C19orf47: variants seen among roughly 807,000 people sequenced by gnomAD.
C19orf47 encodes chromosome 19 open reading frame 47.
C19orf47 carries 18 observed loss-of-function variants against 32.3 expected under a neutral mutation model. The ratio of observed to expected loss-of-function variants is 0.56; its 90% CI spans 0.39 to 0.83. The LOEUF (loss-of-function observed/expected upper bound fraction) is 0.83, where lower values mean the gene tolerates loss of function less well. Among genes scored for constraint, C19orf47 ranks in the 40% least tolerant of loss-of-function variants. The probability of loss-of-function intolerance (pLI) is 0.00; values close to 1 mark genes in which losing one functional copy is unlikely to be tolerated. For missense variants in C19orf47, 484 were observed against 531.6 expected (o/e 0.91, Z 0.88); for synonymous variants, 202 against 211.1 (o/e 0.96, Z 0.37).
intron 1 of C19orf47, among the ~76,000 whole-genome samples, chr19:40,347,919 G>A (rs920689677): frequency 6.6e-6 from 1 of 152,128 alleles, no homozygotes; most frequent in Non-Finnish European, 1.5e-5. Context: ...TCATTGTACA[G>A]ATGAGAAAAA....
chr19:40,338,574 G>T (rs562767272), intron 2 of C19orf47, among the ~76,000 whole-genome samples: 147 of 151,878 alleles, frequency 9.7e-4, no homozygotes, highest in Non-Finnish European at 1.8e-3. Context: ...TAGTAGAGAC[G>T]GGGTTTCACC....
chr19:40,301,353 ATTC>A, the C19orf47 span, among the ~76,000 whole-genome samples: 3 of 147,400 alleles, frequency 2.0e-5, no homozygotes, highest in Non-Finnish European at 4.5e-5. Flanking sequence ...TTATTTATTT[ATTC>A]TTGAGACAGA....
chr19:40,346,402 C>T (rs1241669965), intron 1 of C19orf47, among the ~76,000 whole-genome samples: 2 of 147,554 alleles, frequency 1.4e-5, no homozygotes, highest in African/African-American at 5.0e-5. Context: ...AAGATCGCAC[C>T]ACTGCACTCC....
intron 4 of C19orf47, among the ~76,000 whole-genome samples, 184 bp downstream of exon 4, chr19:40,335,926 A>G (rs2078055650): frequency 6.6e-6 from 1 of 152,138 alleles, no homozygotes; most frequent in Non-Finnish European, 1.5e-5. Flanking sequence ...CCTCTCTTTC[A>G]CAGATGCAGA....
downstream of C19orf47, among the ~76,000 whole-genome samples, chr19:40,315,090 A>G (rs965596425): frequency 1.3e-5 from 2 of 152,234 alleles, no homozygotes; most frequent in African/African-American, 4.8e-5. Flanking sequence ...TTACTTGTCA[A>G]TATAAATGTC....
the C19orf47 span, among the ~76,000 whole-genome samples, chr19:40,300,926 C>T: frequency 3.9e-5 from 6 of 152,212 alleles, no homozygotes; most frequent in African/African-American, 1.4e-4. Context: ...CCCAGGCAGG[C>T]GGTTCATTTA....
Position 40,336,324 on chromosome 19 carries a change from T to C in C19orf47, c.103A>G (p.Asn35Asp). 6.2e-7 allele frequency: 1 copy of C among 1,614,090 alleles called. No homozygotes were observed. The highest frequency in any genetic ancestry group is 8.5e-7 in the Non-Finnish European group (1 of 1,180,018). ...CCCCAAGTTCAGCCTCCTCACCTAT[T>C]ATCCACAAACATCACGGCATAATTG... ...AVNYAVMFVD[N>D]RIQKSMLLDL... Residue 35 changes from asparagine (N) to aspartate (D), a missense_variant, in exon 3 of 9, where the codon AAT becomes GAT. Physicochemically the swap from Asn to Asp is conservative, Grantham distance 23. Transcript: ENST00000683109.
intron 5 of C19orf47, among the ~76,000 whole-genome samples, chr19:40,332,848 G>A (rs2077982681): frequency 6.6e-6 from 1 of 152,110 alleles, no homozygotes; most frequent in Non-Finnish European, 1.5e-5. Flanking sequence ...GACAAAGAAG[G>A]CATTCTCACC....
chr19:40,293,012 C>T, the C19orf47 span, among the ~76,000 whole-genome samples: 4 of 152,126 alleles, frequency 2.6e-5, no homozygotes, highest in Non-Finnish European at 4.4e-5. Flanking sequence ...TAACTTATGT[C>T]ACCACCACCT....
intron 4 of C19orf47, among the ~76,000 whole-genome samples, chr19:40,335,776 A>AT (rs1194557756): frequency 5.3e-5 from 8 of 152,042 alleles, no homozygotes; most frequent in African/African-American, 1.4e-4. Flanking sequence ...CGCTCGGCTA[A>AT]TTTTTTGTAT....
intron 7 of C19orf47, among the ~76,000 whole-genome samples, chr19:40,324,934 C>T (rs1440579730): frequency 6.7e-6 from 1 of 149,982 alleles, no homozygotes; most frequent in Non-Finnish European, 1.5e-5. Context: ...CACTCCAGCC[C>T]AGGCAACAGA....
chr19:40,296,419 T>C, the C19orf47 span, among the ~76,000 whole-genome samples: 1 of 152,092 alleles, frequency 6.6e-6, no homozygotes, highest in Non-Finnish European at 1.5e-5. Flanking sequence ...TAGCTGGGAT[T>C]ACAGGTGCAC....
At chr19:40,323,776 T>G (rs2077769968) in intron 8 of C19orf47, among the ~76,000 whole-genome samples, 1 of 151,564 alleles carries the variant, frequency 6.6e-6, no homozygotes, top group Non-Finnish European at 1.5e-5. Flanking sequence ...GGGGACATGG[T>G]GGGTGGGAGG....
intron 4 of C19orf47, among the ~76,000 whole-genome samples, chr19:40,335,766 C>A (rs1191112033): frequency 4.6e-5 from 7 of 152,094 alleles, no homozygotes; most frequent in Non-Finnish European, 7.4e-5. Context: ...CCCGCCACCA[C>A]GCTCGGCTAA....
At chr19:40,326,554 C>T (rs984773317) in intron 6 of C19orf47, 68 bp from the exon 7 acceptor site, 1 of 1,546,390 alleles carries the variant, frequency 6.5e-7, no homozygotes, top group Non-Finnish European at 8.7e-7. Flanking sequence ...GGAAGCTGGA[C>T]ACTAGGTGTC....
In C19orf47 at chr19:40,326,466, C is replaced by T; in HGVS notation, c.460G>A (p.Glu154Lys). 1 of 1,613,828 alleles carries T rather than the reference C, an allele frequency of 6.2e-7. No individual in the cohort carries two copies. The highest frequency in any genetic ancestry group is 1.3e-5 in the African/African-American group (1 of 75,076). ...TTGGCAGGAACAGCCAGGCTCTCCT[C>T]CTCCCGGCGGGCCAGGGCTGCTGGG... Reference protein sequence around the residue: ...KATAALARREEESLAVPAKRR... With the variant: ...KATAALARREKESLAVPAKRR... The change falls in exon 7 of 9, where the codon GAG (glutamate) becomes AAG (lysine). Residue 154 changes from glutamate to lysine, a missense_variant. This residue lies in a region of C19orf47 where 376 missense variants were observed against 370.2 expected (regional missense o/e 1.02). Coordinates refer to ENST00000683109, the MANE Select transcript of C19orf47 (RefSeq NM_001256441.2).
Position 40,321,818 on chromosome 19 carries a change from G to A in C19orf47, c.*64C>T, listed in dbSNP as rs933803400. The A allele has an allele frequency of 1.0e-5, 15 of 1,458,510 alleles. No individual in the cohort carries two copies. The African/African-American group carries it at 2.1e-4, about 21-fold the overall frequency. 90.3% of individuals were successfully genotyped at this position (1,458,510 alleles called of 1,614,324 possible). On this transcript the variant is annotated 3_prime_UTR_variant, in exon 9 of 9. Coordinates refer to ENST00000683109, the MANE Select transcript of C19orf47 (RefSeq NM_001256441.2). ...CTGGTGGGAGGCGTGATGAAGCCAG[G>A]AGCCTGGGGCGGCCAGGGCAGATGC...
chr19:40,297,175 A>T, the C19orf47 span, among the ~76,000 whole-genome samples: 1 of 152,226 alleles, frequency 6.6e-6, no homozygotes, highest in African/African-American at 2.4e-5. Flanking sequence ...TACAAAAAAA[A>T]TTAAAACAAA....
At chr19:40,296,492 G>C in the C19orf47 span, among the ~76,000 whole-genome samples, 8 of 152,010 alleles carry the variant, frequency 5.3e-5, no homozygotes, top group East Asian at 1.6e-3. Flanking sequence ...ACATTGACCA[G>C]GCTGGTCTCG....
Sources: allele counts gnomAD v4.1 joint callset (sites outside exome capture counted in the v4.1 genomes callset), GRCh38; gene constraint gnomAD v4.1.1; regional missense constraint gnomAD v4.1.1; transcripts MANE v1.5; gene names NCBI Gene and HGNC (gene_info 2026-07-23, HGNC 2026-07-21).